The following GNS variants were observed in gnomAD, a reference collection of about 807,000 sequenced individuals.
The protein encoded by GNS is glucosamine (N-acetyl)-6-sulfatase.
GNS carries 40 observed loss-of-function variants against 69.7 expected under a neutral mutation model. The ratio of observed to expected loss-of-function variants is 0.57; its 90% CI spans 0.45 to 0.75. GNS has a LOEUF of 0.75. Among genes scored for constraint, GNS ranks in the 30% least tolerant of loss-of-function variants. The pLI, the probability that GNS is intolerant of heterozygous loss-of-function variation, is 0.00. For missense variants in GNS, 565 were observed against 685.5 expected (o/e 0.82, Z 1.96); for synonymous variants, 243 against 251.6 (o/e 0.97, Z 0.32).
chr12:64,758,936 G>C (rs1332566795), intron 1 of GNS, 149 bp downstream of exon 1: 15 of 717,168 alleles, frequency 2.1e-5, no homozygotes, highest in Non-Finnish European at 3.8e-5. Flanking sequence ...CCTTACACCG[G>C]CATAAAGGGC....
chr12:64,739,487 G>A lies in GNS; in HGVS notation c.888C>T (p.Leu296=). 1.3e-6 allele frequency: 2 copies of A among 1,580,528 alleles called. No homozygotes were observed. The highest frequency in any genetic ancestry group is 4.5e-5 in the East Asian group (2 of 44,406). The change falls in exon 8 of 14, where the codon CTC becomes CTT. Residue 296 remains leucine, a synonymous_variant. Coordinates refer to ENST00000258145, the MANE Select transcript of GNS (RefSeq NM_002076.4). ...TCTCCACAAGGTCATCAACTGAGAG[G>A]AGAGTTTGCCACCTGGATGTGAACA... ...DNAFRKRWQT[L]LSVDDLVEKL...
At chr12:64,750,762 C>T (rs988725308) in intron 2 of GNS, among the ~76,000 whole-genome samples, 1 of 151,688 alleles carries the variant, frequency 6.6e-6, no homozygotes, top group Admixed American at 6.6e-5. Context: ...AAAAATTGGC[C>T]AAGTGTGGTG....
chr12:64,728,636 C>A (rs1215735210), intron 10 of GNS, among the ~76,000 whole-genome samples: 2 of 151,962 alleles, frequency 1.3e-5, no homozygotes, highest in African/African-American at 4.8e-5. Context: ...CTTTTTTTGC[C>A]CATTTTCCCA....
intron 11 of GNS, among the ~76,000 whole-genome samples, chr12:64,722,635 TAATGGC>T (rs1869066872): frequency 6.6e-6 from 1 of 152,186 alleles, no homozygotes; most frequent in Non-Finnish European, 1.5e-5. Flanking sequence ...GAGGCACTCA[TAATGGC>T]ATGGTTACAG....
At chr12:64,747,612 C>T (rs1193493343) in intron 3 of GNS, 100 bp downstream of exon 3, 1 of 770,908 alleles carries the variant, frequency 1.3e-6, no homozygotes, top group Non-Finnish European at 2.2e-6. Context: ...CAACGTATAC[C>T]AAGAAATCCT....
intron 2 of GNS, among the ~76,000 whole-genome samples, chr12:64,752,058 T>G (rs796643922): frequency 3.9e-4 from 59 of 151,978 alleles, no homozygotes; most frequent in African/African-American, 1.4e-3. Context: ...GAAGAAGATT[T>G]TGGTACTCCC....
At chr12:64,750,093 C>T (rs962451020) in intron 2 of GNS, among the ~76,000 whole-genome samples, 4 of 152,028 alleles carry the variant, frequency 2.6e-5, no homozygotes, top group Non-Finnish European at 5.9e-5. Flanking sequence ...GTCACCCAGG[C>T]TGGAGTGCAG....
chr12:64,743,354 G>A (rs774051806), intron 5 of GNS, 46 bp from the exon 6 acceptor site: 1 of 1,365,280 alleles, frequency 7.3e-7, no homozygotes, highest in Non-Finnish European at 1.0e-6. Context: ...CCCAACAGAT[G>A]AGTATTTAAT....
chr12:64,758,433 C>T (rs764990392), intron 1 of GNS, among the ~76,000 whole-genome samples: 8 of 148,640 alleles, frequency 5.4e-5, no homozygotes, highest in Non-Finnish European at 7.4e-5. Flanking sequence ...AGCGATTCTC[C>T]TTCCTCAGCC....
At chr12:64,756,558 T>A in intron 1 of GNS, 1 of 589,994 alleles carries the variant, frequency 1.7e-6, no homozygotes, top group South Asian at 2.2e-5. Flanking sequence ...ATGAACTTAG[T>A]CATGTCACTT....
intron 2 of GNS, among the ~76,000 whole-genome samples, chr12:64,752,459 G>A (rs1317134434): frequency 6.6e-6 from 1 of 152,082 alleles, no homozygotes; most frequent in Non-Finnish European, 1.5e-5. Flanking sequence ...ACCTCAAATG[G>A]TAAGGTTTAA....
rs140270805 is a variant in GNS, at chr12:64,743,245, C to T, written c.688G>A (p.Ala230Thr). ...SNFEPFFMMI[A>T]TPAPHSPWTA... ...CAAGGCGAATGAGGCGCTGGAGTGG[C>T]GATCATCATGAAGAAGGGCTCAAAG... The change falls in exon 6 of 14, where the codon GCC (alanine) becomes ACC (threonine). Residue 230 changes from alanine to threonine, a missense_variant. By Grantham distance (58) the Ala-to-Thr change is moderately conservative (BLOSUM62 0). Transcript: ENST00000258145. 40 of 1,612,052 alleles carry T rather than the reference C, an allele frequency of 2.5e-5. No individual in the cohort carries two copies. Among genetic ancestry groups the T allele is most frequent in the Non-Finnish European group, 3.1e-5 (37 of 1,178,298 alleles).
intron 1 of GNS, among the ~76,000 whole-genome samples, chr12:64,757,930 A>T (rs1316906117): frequency 2.0e-5 from 3 of 152,214 alleles, no homozygotes; most frequent in Non-Finnish European, 4.4e-5. Flanking sequence ...GAAAGCAAAA[A>T]GAGAACTGAA....
chr12:64,739,578 A>C (rs1869664135), intron 7 of GNS, 79 bp from the exon 8 acceptor site: 3 of 730,034 alleles, frequency 4.1e-6, no homozygotes, highest in African/African-American at 1.8e-5. Flanking sequence ...AAAAAAAAAA[A>C]CCAAAAACAA....
intron 9 of GNS, among the ~76,000 whole-genome samples, chr12:64,731,036 G>A (rs1474457765): frequency 2.0e-5 from 3 of 152,200 alleles, no homozygotes; most frequent in Non-Finnish European, 2.9e-5. Context: ...TGTATAATGG[G>A]AGGCTTGTTC....
At chr12:64,723,252 CA>C (rs1479273603) in intron 10 of GNS, 139 bp from the exon 11 acceptor site, 17 of 684,844 alleles carry the variant, frequency 2.5e-5, no homozygotes, top group Admixed American at 8.3e-5. Context: ...ATGACTAAAA[CA>C]GGTACATATG....
chr12:64,734,835 G>A (rs1212614745), intron 9 of GNS, among the ~76,000 whole-genome samples: 2 of 152,188 alleles, frequency 1.3e-5, no homozygotes, highest in Admixed American at 6.5e-5. Context: ...AGGCATGGTG[G>A]CTCGCGCCTG....
At chr12:64,753,937 A>T (rs1201132791) in intron 1 of GNS, among the ~76,000 whole-genome samples, 1 of 152,212 alleles carries the variant, frequency 6.6e-6, no homozygotes, top group East Asian at 1.9e-4. Flanking sequence ...ACTGGGCTTC[A>T]TGAGACATTG....
intron 8 of GNS, among the ~76,000 whole-genome samples, chr12:64,737,775 G>A (rs1028259100): frequency 6.6e-6 from 1 of 152,194 alleles, no homozygotes; most frequent in African/African-American, 2.4e-5. Flanking sequence ...AGCAGCAGGT[G>A]AGGATGCACT....
Sources: gnomAD v4.1 joint callset for allele counts (sites outside exome capture counted in the v4.1 genomes callset) on GRCh38, gnomAD v4.1.1 for gene constraint, MANE v1.5 for transcripts, NCBI Gene and HGNC (gene_info 2026-07-23, HGNC 2026-07-21) for gene names.